The following DUSP16 variants were observed in gnomAD, a reference collection of about 807,000 sequenced individuals.
The protein encoded by DUSP16 is dual specificity phosphatase 16.
A neutral mutation model predicts 58.3 loss-of-function variants in DUSP16; 21 were observed. The observed-to-expected ratio is 0.36, with a 90% CI of 0.26 to 0.52. DUSP16 has a LOEUF of 0.52. Ranked by LOEUF, DUSP16 falls within the 20% of genes least tolerant of loss-of-function variation. DUSP16 has a pLI of 0.94. For missense variants in DUSP16, 726 were observed against 819.0 expected (o/e 0.89, Z 1.39); for synonymous variants, 320 against 323.8 (o/e 0.99, Z 0.12).
At chr12:12,517,028 T>C (rs1465278693) in intron 3 of DUSP16, among the ~76,000 whole-genome samples, 2 of 152,210 alleles carry the variant, frequency 1.3e-5, no homozygotes, top group African/African-American at 2.4e-5. Flanking sequence ...TCCTCTTGTT[T>C]GAAGGAAAAG....
intron 1 of DUSP16, among the ~76,000 whole-genome samples, chr12:12,548,345 A>G (rs1269716590): frequency 6.6e-6 from 1 of 152,184 alleles, no homozygotes; most frequent in African/African-American, 2.4e-5. Context: ...GCTAAAAACA[A>G]CAAGTGTTGG....
Position 12,553,517 on chromosome 12 carries a change from A to G in DUSP16, c.-366+8600T>C, listed in dbSNP as rs568154634. Among the ~76,000 whole-genome samples the G allele has an allele frequency of 2.8e-4, 42 of 152,294 alleles. 1 individual carries two copies. In the South Asian group the frequency reaches 8.1e-3, roughly 29 times the overall value. On this transcript the variant is annotated intron_variant, in intron 1 of 6. Coordinates refer to ENST00000298573, the MANE Select transcript of DUSP16 (RefSeq NM_030640.3). ...ACTATTATTACAAGATCTCAAAGTT[A>G]AGCATTTTAAACACTTCTTATGATG... is the stretch of plus-strand genomic sequence containing the variant.
chr12:12,558,281 T>G (rs1944840413), intron 1 of DUSP16, among the ~76,000 whole-genome samples: 1 of 152,224 alleles, frequency 6.6e-6, no homozygotes, highest in South Asian at 2.1e-4. Context: ...GGCCATGATA[T>G]TACAGCGAAT....
intron 1 of DUSP16, among the ~76,000 whole-genome samples, chr12:12,524,947 T>G (rs1676482099): frequency 6.6e-6 from 1 of 152,214 alleles, no homozygotes; most frequent in South Asian, 2.1e-4. Context: ...CTAAATATAT[T>G]CATAATCCTT....
At chr12:12,514,617 G>A (rs1944121630) in intron 3 of DUSP16, among the ~76,000 whole-genome samples, 1 of 152,108 alleles carries the variant, frequency 6.6e-6, no homozygotes, top group South Asian at 2.1e-4. Context: ...AACAGGCCCG[G>A]CACATGGCAT....
At chr12:12,496,383 T>C (rs180773764) in intron 4 of DUSP16, among the ~76,000 whole-genome samples, 9 of 152,360 alleles carry the variant, frequency 5.9e-5, no homozygotes, top group East Asian at 1.9e-4. Context: ...ACAGAGAATG[T>C]AGCAGTCAGT....
intron 1 of DUSP16, among the ~76,000 whole-genome samples, chr12:12,546,294 T>A (rs1032369350): frequency 6.6e-6 from 1 of 152,208 alleles, no homozygotes; most frequent in Non-Finnish European, 1.5e-5. Context: ...CACAATTAAA[T>A]GTCCAGCCTA....
intron 1 of DUSP16, among the ~76,000 whole-genome samples, chr12:12,559,249 T>A (rs893872732): frequency 7.2e-5 from 11 of 152,248 alleles, no homozygotes; most frequent in Non-Finnish European, 1.6e-4. Flanking sequence ...AACATTCGGA[T>A]TTTCTTTTAT....
chr12:12,497,099 G>C (rs1943838161), intron 4 of DUSP16, among the ~76,000 whole-genome samples: 1 of 152,170 alleles, frequency 6.6e-6, no homozygotes, highest in African/African-American at 2.4e-5. Flanking sequence ...AGTACAAAAA[G>C]AGACTGTAAA....
intron 3 of DUSP16, among the ~76,000 whole-genome samples, chr12:12,511,321 A>G (rs892202100): frequency 1.2e-4 from 19 of 152,142 alleles, no homozygotes; most frequent in African/African-American, 4.6e-4. Context: ...TATTGCAGCC[A>G]TATCTCCAAT....
intron 4 of DUSP16, among the ~76,000 whole-genome samples, chr12:12,495,579 C>G (rs1943817816): frequency 6.6e-6 from 1 of 152,172 alleles, no homozygotes; most frequent in Admixed American, 6.5e-5. Context: ...TTCTATGATC[C>G]TTTGATGCAG....
rs573489527 is a variant in DUSP16, at chr12:12,560,269, AT to A, written c.-366+1847del. Among the ~76,000 whole-genome samples, 827 of 152,278 alleles carry A rather than the reference AT, an allele frequency of 5.4e-3. 5 individuals are homozygous for A. The highest frequency in any genetic ancestry group is 8.8e-3 in the Non-Finnish European group (602 of 68,024). On this transcript the variant is annotated intron_variant, in intron 1 of 6. Coordinates refer to ENST00000298573, the MANE Select transcript of DUSP16 (RefSeq NM_030640.3). ...AAAAAAATTAATTACCACAGTTTAC[AT>A]TTTTTATCTGAATGTACATTTATAG...
intron 6 of DUSP16, 59 bp from the exon 7 acceptor site, chr12:12,478,074 T>A: frequency 7.5e-7 from 1 of 1,338,500 alleles, no homozygotes; most frequent in Non-Finnish European, 1.0e-6. Flanking sequence ...ATCTTAAGAA[T>A]ATTAAGTGAA....
At chr12:12,542,518 G>A (rs928891663) in intron 1 of DUSP16, among the ~76,000 whole-genome samples, 4 of 152,108 alleles carry the variant, frequency 2.6e-5, no homozygotes, top group African/African-American at 9.7e-5. Flanking sequence ...AGTTTGTTTT[G>A]GGGGTGATGA....
At chr12:12,482,861 C>T (rs996465151) in intron 5 of DUSP16, among the ~76,000 whole-genome samples, 4 of 152,164 alleles carry the variant, frequency 2.6e-5, no homozygotes, top group Non-Finnish European at 4.4e-5. Flanking sequence ...CAGGTGCACA[C>T]CACCATGCCT....
intron 4 of DUSP16, among the ~76,000 whole-genome samples, chr12:12,494,683 G>A (rs1349237526): frequency 2.0e-5 from 3 of 152,120 alleles, no homozygotes; most frequent in Non-Finnish European, 4.4e-5. Flanking sequence ...GAAATATCTG[G>A]GGTGCACTCA....
At chr12:12,556,764 G>C (rs1459666938) in intron 1 of DUSP16, among the ~76,000 whole-genome samples, 1 of 152,082 alleles carries the variant, frequency 6.6e-6, no homozygotes, top group Non-Finnish European at 1.5e-5. Context: ...AATAACTACA[G>C]GAAAGATCAA....
intron 5 of DUSP16, among the ~76,000 whole-genome samples, chr12:12,486,243 T>A (rs376465535): frequency 3.9e-5 from 6 of 152,314 alleles, no homozygotes; most frequent in African/African-American, 1.4e-4. Flanking sequence ...CTGTGGTATG[T>A]TGCTCAGGAG....
chr12:12,559,861 C>G (rs1056462477), intron 1 of DUSP16, among the ~76,000 whole-genome samples: 1 of 152,122 alleles, frequency 6.6e-6, no homozygotes, highest in Non-Finnish European at 1.5e-5. Context: ...ACTCTTCCCC[C>G]CTCCCATCTC....
Sources: gnomAD v4.1 joint callset for allele counts (sites outside exome capture counted in the v4.1 genomes callset) on GRCh38, gnomAD v4.1.1 for gene constraint, MANE v1.5 for transcripts, NCBI Gene and HGNC (gene_info 2026-07-23, HGNC 2026-07-21) for gene names.